Variants in UBXN2A observed in about 807,000 individuals in gnomAD.
The protein encoded by UBXN2A is UBX domain protein 2A.
UBXN2A carries 28 observed loss-of-function variants against 28.4 expected under a neutral mutation model. The ratio of observed to expected loss-of-function variants is 0.99; its 90% CI spans 0.73 to 1.35. UBXN2A has a LOEUF of 1.35. Among genes scored for constraint, UBXN2A ranks in the 40% most tolerant of loss-of-function variants. UBXN2A has a pLI of 0.00. For synonymous variants in UBXN2A, 97 were observed against 103.6 expected (o/e 0.94, Z 0.39); for missense variants, 253 against 297.9 (o/e 0.85, Z 1.11).
chr2:23,981,400 C>T (rs1429714211), intron 4 of UBXN2A, among the ~76,000 whole-genome samples: 1 of 142,314 alleles, frequency 7.0e-6, no homozygotes, highest in East Asian at 2.1e-4. Context: ...ATCGCTTGAG[C>T]CCAAGAGGTC....
chr2:23,967,172 G>A (rs903893981), intron 2 of UBXN2A, among the ~76,000 whole-genome samples: 7 of 152,054 alleles, frequency 4.6e-5, no homozygotes, highest in East Asian at 1.9e-4. Context: ...AACATAGACC[G>A]TTTCTTACTC....
chr2:23,981,620 G>A (rs549410406), intron 4 of UBXN2A, among the ~76,000 whole-genome samples: 6 of 151,764 alleles, frequency 4.0e-5, no homozygotes, highest in East Asian at 1.9e-4. Flanking sequence ...TTGGCCGGGC[G>A]TGGTGGCTCA....
intron 1 of UBXN2A, among the ~76,000 whole-genome samples, chr2:23,945,815 C>CT (rs550146473): frequency 6.5e-4 from 96 of 148,774 alleles, no homozygotes; most frequent in South Asian, 8.5e-4. Flanking sequence ...GCATTTAATT[C>CT]TTTTTTTTTC....
chr2:23,955,390 C>T (rs1424054609), intron 1 of UBXN2A, among the ~76,000 whole-genome samples: 3 of 152,156 alleles, frequency 2.0e-5, no homozygotes, highest in Non-Finnish European at 4.4e-5. Context: ...CCTGGACCTA[C>T]CTGTTCTTCC....
intron 6 of UBXN2A, among the ~76,000 whole-genome samples, chr2:23,986,115 T>C (rs1333750536): frequency 2.0e-5 from 3 of 152,068 alleles, no homozygotes; most frequent in Admixed American, 2.0e-4. Context: ...GAGACCATCC[T>C]GGCTAACACG....
chr2:23,962,857 G>T (rs998275052), intron 2 of UBXN2A, among the ~76,000 whole-genome samples: 1 of 151,996 alleles, frequency 6.6e-6, no homozygotes, highest in Non-Finnish European at 1.5e-5. Flanking sequence ...TGATCCACCC[G>T]CCTTGGCATC....
chr2:23,929,261 T>A (rs115917872), intron 1 of UBXN2A, among the ~76,000 whole-genome samples: 3,960 of 152,076 alleles, frequency 0.026, 170 homozygotes, highest in African/African-American at 0.091. Flanking sequence ...TAGCTGAAAC[T>A]ACTGGGTGTG....
At chr2:23,988,325 G>C (rs76601772) in intron 6 of UBXN2A, among the ~76,000 whole-genome samples, 3,534 of 152,026 alleles carry the variant, frequency 0.023, 373 homozygotes, top group Admixed American at 0.19. Flanking sequence ...CCTAATTCAG[G>C]GTTTTCCATT....
chr2:23,979,128 A>C (rs1707794069), intron 4 of UBXN2A, among the ~76,000 whole-genome samples: 2 of 152,058 alleles, frequency 1.3e-5, no homozygotes, highest in African/African-American at 2.4e-5. Context: ...GGATCACCTG[A>C]GGTCAGGAGT....
chr2:23,952,112 G>A (rs1454971727), intron 1 of UBXN2A, among the ~76,000 whole-genome samples: 2 of 151,258 alleles, frequency 1.3e-5, no homozygotes, highest in African/African-American at 4.9e-5. Flanking sequence ...GACTACAAGC[G>A]CTCGCCATCA....
At chr2:23,979,977 AT>A (rs1202591145) in intron 4 of UBXN2A, among the ~76,000 whole-genome samples, 9 of 152,060 alleles carry the variant, frequency 5.9e-5, no homozygotes. Context: ...CTACCATAAA[AT>A]TCATCCCTTT....
intron 6 of UBXN2A, among the ~76,000 whole-genome samples, chr2:23,985,602 GT>G (rs34825489): frequency 1.3e-3 from 192 of 144,372 alleles, no homozygotes; most frequent in Admixed American, 3.7e-3. Context: ...TGTCTAGACA[GT>G]TTTTTTTTTT....
At chr2:23,935,055 A>G (rs928614066) in intron 1 of UBXN2A, among the ~76,000 whole-genome samples, 16 of 152,340 alleles carry the variant, frequency 1.1e-4, no homozygotes, top group African/African-American at 3.6e-4. Context: ...AGCCCAAGCA[A>G]CAAAGCAAGA....
At chr2:23,977,286 T>G (rs1165100835) in intron 4 of UBXN2A, 1 of 198,814 alleles carries the variant, frequency 5.0e-6, no homozygotes, top group Admixed American at 6.3e-5. Flanking sequence ...ATGCTTGCAC[T>G]ACTGCACTCC....
intron 3 of UBXN2A, among the ~76,000 whole-genome samples, chr2:23,972,992 T>A (rs1184040157): frequency 6.6e-6 from 1 of 152,146 alleles, no homozygotes; most frequent in South Asian, 2.1e-4. Context: ...TGCTTTTTCA[T>A]GGCATATTGT....
intron 1 of UBXN2A, among the ~76,000 whole-genome samples, chr2:23,934,381 T>TGCAGAAACAGTTCCATCATC (rs1705463782): frequency 6.6e-6 from 1 of 152,220 alleles, no homozygotes; most frequent in South Asian, 2.1e-4. Flanking sequence ...TGTTGGACAA[T>TGCAGAAACAGTTCCATCATC]GCAGAAACAG....
chr2:23,935,757 A>G (rs912180402), upstream of UBXN2A, among the ~76,000 whole-genome samples: 5 of 152,186 alleles, frequency 3.3e-5, no homozygotes, highest in Admixed American at 3.3e-4. Context: ...TATACTCAAA[A>G]AAATTGAAAA....
chr2:23,996,249 G>A (rs1708527491), intron 6 of UBXN2A, among the ~76,000 whole-genome samples: 1 of 150,680 alleles, frequency 6.6e-6, no homozygotes, highest in Admixed American at 6.6e-5. Flanking sequence ...TATATTTTTA[G>A]TAGAAACAGT....
chr2:23,949,122 T>C (rs912611281), intron 1 of UBXN2A, among the ~76,000 whole-genome samples: 8 of 148,100 alleles, frequency 5.4e-5, no homozygotes, highest in Non-Finnish European at 1.0e-4. Context: ...TTTTCTTTTT[T>C]TTTTTTTTTT....
Sources: gnomAD v4.1 joint callset for allele counts (sites outside exome capture counted in the v4.1 genomes callset) on GRCh38, gnomAD v4.1.1 for gene constraint, MANE v1.5 for transcripts, NCBI Gene and HGNC (gene_info 2026-07-23, HGNC 2026-07-21) for gene names.